Variants in PKD1 observed in about 807,000 individuals in gnomAD.
PKD1 encodes polycystin 1, transient receptor potential channel interacting, also known as polycystin-1.
A neutral mutation model predicts 361.7 loss-of-function variants in PKD1; 81 were observed. That is an observed-to-expected ratio of 0.22 (90% CI 0.19 to 0.27). PKD1 has a LOEUF of 0.27. Ranked by LOEUF, PKD1 falls within the 10% of genes least tolerant of loss-of-function variation. The pLI is 1.00. For missense variants in PKD1, 6,399 were observed against 6,118.3 expected (o/e 1.05, Z -1.53); for synonymous variants, 3,615 against 2,818.3 (o/e 1.28, Z -8.95).
chr16:2,121,611 C>T (rs1323589485), intron 1 of PKD1, among the ~76,000 whole-genome samples: 6 of 152,052 alleles, frequency 3.9e-5, no homozygotes, highest in African/African-American at 7.2e-5. Context: ...GCTGGTGATG[C>T]GGAGGTGAGT....
intron 1 of PKD1, among the ~76,000 whole-genome samples, chr16:2,132,491 C>G (rs1056959180): frequency 6.8e-6 from 1 of 147,592 alleles, no homozygotes; most frequent in Non-Finnish European, 1.5e-5. Flanking sequence ...AGGAGAATCG[C>G]TTGAACCAGG....
rs761366443 is a variant in PKD1, at chr16:2,108,549, C to A, written c.6618G>T (p.Leu2206=). 2 of 1,603,484 alleles carry A rather than the reference C, an allele frequency of 1.2e-6. No homozygotes were observed. Among genetic ancestry groups the A allele is most frequent in the South Asian group, 1.1e-5 (1 of 90,424 alleles). The change falls in exon 15 of 46, where the codon CTG becomes CTT. Residue 2206 remains leucine (L), a synonymous_variant. Transcript: ENST00000262304. ...GAGGCCGGCTCACGTCCACGCCGGG[C>A]AGGGCCACACGCGCTGGGCGCCCCG... The part of the protein sequence containing the change: ...QRPGRPARVA[L]PGVDVSRPRL...
rs567995837 is a variant in PKD1, at chr16:2,109,224, C to T, written c.5943G>A (p.Glu1981=). The T allele has an allele frequency of 5.0e-6, 8 of 1,591,936 alleles. No homozygotes were observed. Among genetic ancestry groups the T allele is most frequent in the Non-Finnish European group, 5.1e-6 (6 of 1,168,174 alleles). Reference sequence around the variant, plus strand: ...TCTCAGTGCCCGTGGCGATGCCAGGCTCGCAGCAGTTGGGCACCTGCAGCC... The same window carrying T: ...TCTCAGTGCCCGTGGCGATGCCAGGTTCGCAGCAGTTGGGCACCTGCAGCC... ...VSGLQVPNCC[E]PGIATGTERN... is the part of the protein sequence containing the mutation. The change falls in exon 15 of 46, where the codon GAG becomes GAA. Residue 1981 remains glutamate, a synonymous_variant. Coordinates refer to ENST00000262304, the MANE Select transcript of PKD1 (RefSeq NM_001009944.3).
chr16:2,112,400 C>G lies in PKD1; in HGVS notation c.3235G>C (p.Asp1079His), dbSNP rs1344944233. The G allele has an allele frequency of 1.0e-5, 16 of 1,587,926 alleles. No individual in the cohort carries two copies. Among genetic ancestry groups the G allele is most frequent in the Non-Finnish European group, 1.3e-5 (15 of 1,174,616 alleles). Residue 1079 changes from aspartate to histidine, a missense_variant, in exon 14 of 46, where the codon GAC (aspartate) becomes CAC (histidine). Asp to His is a moderately conservative substitution (Grantham distance 81, BLOSUM62 -1). Coordinates refer to ENST00000262304, the MANE Select transcript of PKD1 (RefSeq NM_001009944.3). ...ACCAGCACCTGGGCCACCGAGGGGT[C>G]TGGAACCGGGAAGGACTCGTTGTAC... ...PPYNESFPVP[D>H]PSVAQVLVEH...
At position 2,091,437 on chromosome 16, in the gene PKD1, G is replaced by C. The variant is rs1467085516; in HGVS notation, c.11698C>G (p.Pro3900Ala). ...GACGGGCGTACCGAGGTGAGCAGAG[G>C]CAGCGAGAGGCCCGCGCTGAGGCGG... ...LRRLSAGLSL[P>A]LLTSVCLLLF... The change falls in exon 42 of 46, where the codon CCT (proline) becomes GCT (alanine). Residue 3900 changes from proline (P) to alanine (A), a missense_variant. Coordinates refer to ENST00000262304, the MANE Select transcript of PKD1 (RefSeq NM_001009944.3). The C allele has an allele frequency of 1.0e-5, 12 of 1,190,662 alleles. No individual in the cohort carries two copies. Among genetic ancestry groups the C allele is most frequent in the Non-Finnish European group, 1.3e-5 (12 of 959,424 alleles). The allele number at this position is 1,190,662 out of a possible 1,614,324, so 73.8% of individuals were successfully genotyped here. A position where few individuals can be genotyped will look rare whatever the true frequency, so the allele number is the denominator to read the frequency against.
rs1254435440 is a variant in PKD1, at chr16:2,089,544, T to C, written c.*183A>G. ...AGGGAGCTGGGGAGGGGACCCTGGG[T>C]CCTGGTTGGCCACACAGCCTCTTTA... On this transcript the variant is annotated 3_prime_UTR_variant, in exon 46 of 46. Transcript: ENST00000262304. The C allele has an allele frequency of 1.4e-6, 1 of 696,428 alleles. No individual in the cohort carries two copies. Among genetic ancestry groups the C allele is most frequent in the Admixed American group, 2.5e-5 (1 of 40,256 alleles). The allele number at this position is 696,428 out of a possible 1,614,324, so 43.1% of individuals were successfully genotyped here.
In PKD1 at chr16:2,091,591, G is replaced by C; in HGVS notation, c.11544C>G (p.Arg3848=). ...AGCGCGTGAGCTCCAGGAACACAGC[G>C]CGGCTCCTGCGCAGAGGGTGCGGGT... ...QLHNWLDNRS[R]AVFLELTRYS... Residue 3848 remains arginine (R), a synonymous_variant, in exon 42 of 46, where the codon CGC becomes CGG. Coordinates refer to ENST00000262304, the MANE Select transcript of PKD1 (RefSeq NM_001009944.3). 2 of 1,556,094 alleles carry C rather than the reference G, an allele frequency of 1.3e-6. No individual in the cohort carries two copies. The highest frequency in any genetic ancestry group is 1.7e-6 in the Non-Finnish European group (2 of 1,159,782).
rs2092327879 is a variant in PKD1 at position 2,106,115 on chromosome 16, C to T, written c.7679G>A (p.Gly2560Glu). The T allele has an allele frequency of 6.2e-7, 1 of 1,605,072 alleles. No homozygotes were observed. The highest frequency in any genetic ancestry group is 1.3e-5 in the African/African-American group (1 of 74,504). The stretch of plus-strand genomic sequence containing the variant: ...CCTGTTGAGGGCGACCACAGCGGCT[C>T]CCAGCTGGTCCTGCACCACCACGGC... The part of the protein sequence containing the change: ...GLAVVVQDQL[G>E]AAVVALNRSL... The change falls in exon 19 of 46, where the codon GGA (glycine) becomes GAA (glutamate). Residue 2560 changes from glycine to glutamate, a missense_variant. By Grantham distance (98) the Gly-to-Glu change is moderately conservative. Transcript: ENST00000262304. The surrounding 1 kb of genome is among the most constrained non-coding windows in gnomAD (Gnocchi z 6.5).
intron 1 of PKD1, among the ~76,000 whole-genome samples, chr16:2,126,877 C>A (rs1317857701): frequency 1.3e-5 from 2 of 152,278 alleles, no homozygotes; most frequent in East Asian, 3.9e-4. Flanking sequence ...CACCCCATAC[C>A]CTAGGGGACC....
intron 20 of PKD1, 180 bp downstream of exon 20, chr16:2,105,685 C>A: frequency 1.5e-6 from 2 of 1,334,448 alleles, no homozygotes; most frequent in South Asian, 2.6e-5. Context: ...AAGCAGACGC[C>A]GGAGAGGGCC....
At chr16:2,121,402 G>A (rs13331632) in intron 1 of PKD1, among the ~76,000 whole-genome samples, 4,090 of 152,082 alleles carry the variant, frequency 0.027, 199 homozygotes, top group African/African-American at 0.093. Context: ...AGGATGGAGG[G>A]TGAGAGGGAG....
In PKD1 at chr16:2,114,649, G is replaced by C. The variant is rs2855348; in HGVS notation, c.2374C>G (p.Leu792Val). The part of the protein sequence containing the change: ...LGLRPNPGLR[L>V]PGRYEVRAEV... ...GCCCGGACCTCATAGCGCCCAGGCA[G>C]CCGCAGTCCAGGGTTGGGCCTCAAG... The change falls in exon 11 of 46, where the codon CTG (leucine) becomes GTG (valine). Residue 792 changes from leucine (L) to valine (V), a missense_variant. Physicochemically the swap from Leu to Val is conservative, Grantham distance 32 (BLOSUM62 1). Coordinates refer to ENST00000262304, the MANE Select transcript of PKD1 (RefSeq NM_001009944.3). 5 of 1,557,798 alleles carry C rather than the reference G, an allele frequency of 3.2e-6. No homozygotes were observed. The highest frequency in any genetic ancestry group is 1.9e-5 in the Admixed American group (1 of 53,924).
chr16:2,119,036 C>T (rs1484233612), intron 3 of PKD1, 78 bp downstream of exon 3: 30 of 953,810 alleles, frequency 3.1e-5, no homozygotes, highest in East Asian at 2.9e-4. Context: ...GAAGGGGACA[C>T]GGACCAACTG....
chr16:2,111,117 C>T lies in PKD1; in HGVS notation c.4050G>A (p.Thr1350=), dbSNP rs771678476. The change falls in exon 15 of 46, where the codon ACG becomes ACA. Residue 1350 remains threonine (T), a synonymous_variant. Coordinates refer to ENST00000262304, the MANE Select transcript of PKD1 (RefSeq NM_001009944.3). The part of the protein sequence containing the change: ...RGCPTVTHNF[T]RSGTFPLALV... Reference sequence around the variant, plus strand: ...GCGCCAGGGGGAACGTGCCGCTCCGCGTGAAGTTGTGTGTCACCGTCGGGC... The same window carrying T: ...GCGCCAGGGGGAACGTGCCGCTCCGTGTGAAGTTGTGTGTCACCGTCGGGC... The T allele has an allele frequency of 1.1e-5, 17 of 1,610,862 alleles. No individual in the cohort carries two copies. Among genetic ancestry groups the T allele is most frequent in the Middle Eastern group, 2.1e-4 (1 of 4,662 alleles).
At chr16:2,111,979 G>A (rs923899209) in intron 14 of PKD1, 108 bp from the exon 15 acceptor site, 21 of 1,211,110 alleles carry the variant, frequency 1.7e-5, no homozygotes, top group South Asian at 7.7e-5. Context: ...CTGCACCTGC[G>A]GCCCAGCCTT....
At chr16:2,092,714 C>T (rs552923541) in intron 38 of PKD1, 122 bp from the exon 39 acceptor site, 6 of 856,002 alleles carry the variant, frequency 7.0e-6, no homozygotes, top group African/African-American at 1.7e-5. Flanking sequence ...TAGACCTGGG[C>T]TTCTCAGCCT....
chr16:2,114,447 G>A lies in PKD1; in HGVS notation c.2576C>T (p.Ala859Val), dbSNP rs1419875422. Residue 859 changes from alanine (A) to valine (V), a missense_variant, in exon 11 of 46, where the codon GCT (alanine) becomes GTT (valine). Transcript: ENST00000262304. ...GCTGACACTGCCCCCAGGCCAGCGAGCCGTGGCCGTGGCGTTGGCACCAGA... is the reference window on the plus strand; with the variant it reads ...GCTGACACTGCCCCCAGGCCAGCGAACCGTGGCCGTGGCGTTGGCACCAGA... The part of the protein sequence containing the change: ...VDSGANATAT[A>V]RWPGGSVSAR... 1 of 1,598,506 alleles carries A rather than the reference G, an allele frequency of 6.3e-7. No homozygotes were observed.
At position 2,089,310 on chromosome 16, in the gene PKD1, A is replaced by G. The variant is rs957770047; in HGVS notation, c.*417T>C. The stretch of plus-strand genomic sequence containing the variant: ...CACGAGACACACAGTGAGACGGTGC[A>G]GGGAGTACGGTAGGAACTGGAGAGG... On this transcript the variant is annotated 3_prime_UTR_variant, in exon 46 of 46. Coordinates refer to ENST00000262304, the MANE Select transcript of PKD1 (RefSeq NM_001009944.3). 1.1e-5 allele frequency: 3 copies of G among 263,706 alleles called. No homozygotes were observed. Among genetic ancestry groups the G allele is most frequent in the Non-Finnish European group, 2.2e-5 (3 of 137,602 alleles). The allele number at this position is 263,706 out of a possible 1,614,324, so 16.3% of individuals were successfully genotyped here.
chr16:2,098,040 G>T, intron 30 of PKD1, 56 bp from the exon 31 acceptor site: 2 of 901,938 alleles, frequency 2.2e-6, no homozygotes, highest in South Asian at 1.3e-5. Flanking sequence ...TCAGGACAGG[G>T]ATGAGAAGCC....
Sources: allele counts gnomAD v4.1 joint callset (sites outside exome capture counted in the v4.1 genomes callset), GRCh38; gene constraint gnomAD v4.1.1; non-coding constraint Gnocchi (gnomAD v3.1); transcripts MANE v1.5; gene names NCBI Gene and HGNC (gene_info 2026-07-23, HGNC 2026-07-21).